Variants in ADCY2 observed in about 807,000 individuals in gnomAD.
ADCY2 encodes the protein adenylate cyclase type 2.
Under a neutral mutation model 125.2 loss-of-function variants are expected in ADCY2, and 31 were observed. That is an observed-to-expected ratio of 0.25 (90% CI 0.19 to 0.33). The LOEUF is 0.33. Ranked by LOEUF, ADCY2 falls within the 10% of genes least tolerant of loss-of-function variation. The pLI, the probability that ADCY2 is intolerant of heterozygous loss-of-function variation, is 1.00. For synonymous variants in ADCY2, 512 were observed against 548.4 expected (o/e 0.93, Z 0.93); for missense variants, 904 against 1,418.2 (o/e 0.64, Z 5.82).
intron 2 of ADCY2, among the ~76,000 whole-genome samples, chr5:7,455,163 A>G (rs556332602): frequency 7.9e-5 from 12 of 152,292 alleles, no homozygotes; most frequent in African/African-American, 2.6e-4. Flanking sequence ...TGTGTGTTGT[A>G]TATTGTAATG....
In ADCY2 at chr5:7,484,824, C is replaced by T. The variant is rs983257609; in HGVS notation, c.409-35914C>T. On this transcript the variant is annotated intron_variant, in intron 2 of 24. Coordinates refer to ENST00000338316, the MANE Select transcript of ADCY2 (RefSeq NM_020546.3). ...CTGCTAGATGTTTTCCTTCAGTACACTTACATTTTACTTCTTACATGTTAA... is the reference window on the plus strand; with the variant it reads ...CTGCTAGATGTTTTCCTTCAGTACATTTACATTTTACTTCTTACATGTTAA... 4.6e-5 allele frequency among the ~76,000 whole-genome samples: 7 copies of T among 152,332 alleles called. No homozygotes were observed. The East Asian group carries it at 1.3e-3, about 29-fold the overall frequency.
At chr5:7,715,643 G>A (rs1056760515) in intron 11 of ADCY2, among the ~76,000 whole-genome samples, 8 of 151,812 alleles carry the variant, frequency 5.3e-5, no homozygotes, top group Non-Finnish European at 1.2e-4. Context: ...AATTCATTTG[G>A]CTCAATATCT....
rs938384873 is a variant in ADCY2 at position 7,709,573 on chromosome 5, A to G, written c.1578+186A>G. ...GAGTGAGCTCCATGCTGACATTGCT[A>G]AGGGTTCCACCCTAGCGTGATTTTG... is the stretch of plus-strand genomic sequence containing the variant. On this transcript the variant is annotated intron_variant, in intron 10 of 24. Transcript: ENST00000338316. This position sits in a 1 kb window ranked among gnomAD's most constrained non-coding sequence, Gnocchi z 4.4. Among the ~76,000 whole-genome samples the G allele has an allele frequency of 6.6e-6, 1 of 152,220 alleles. No homozygotes were observed. The highest frequency in any genetic ancestry group is 1.5e-5 in the Non-Finnish European group (1 of 68,036).
chr5:7,419,837 C>A (rs1054243645), intron 2 of ADCY2, among the ~76,000 whole-genome samples: 6 of 152,222 alleles, frequency 3.9e-5, no homozygotes, highest in African/African-American at 1.4e-4. Flanking sequence ...CTAGCACGTG[C>A]ATGGTCTGGA....
At position 7,724,014 on chromosome 5, in the gene ADCY2, A is replaced by AT. The variant is rs1217802918; in HGVS notation, c.1704-527dup. 1.4e-5 allele frequency among the ~76,000 whole-genome samples: 2 copies of AT among 145,276 alleles called. 1 individual carries two copies. Among genetic ancestry groups the AT allele is most frequent in the Admixed American group, 1.4e-4 (2 of 13,896 alleles). ...AAATGAAAAAAATGACAATGAAAGT[A>AT]TTTTCACTAAGTCTGAAAGAAGCAA... On this transcript the variant is annotated intron_variant, in intron 12 of 24. Coordinates refer to ENST00000338316, the MANE Select transcript of ADCY2 (RefSeq NM_020546.3).
chr5:7,645,309 G>A (rs923021821), intron 4 of ADCY2, among the ~76,000 whole-genome samples: 1 of 152,132 alleles, frequency 6.6e-6, no homozygotes, highest in African/African-American at 2.4e-5. Context: ...AGGCCTAAGT[G>A]GTGTGTTCCT....
intron 2 of ADCY2, among the ~76,000 whole-genome samples, chr5:7,438,120 T>C (rs1365712243): frequency 6.6e-6 from 1 of 152,216 alleles, no homozygotes; most frequent in African/African-American, 2.4e-5. Flanking sequence ...TACATTGTTG[T>C]AAATGTCAAC....
At chr5:7,803,520 T>C (rs1744665824) in intron 21 of ADCY2, among the ~76,000 whole-genome samples, 1 of 152,184 alleles carries the variant, frequency 6.6e-6, no homozygotes. Flanking sequence ...TATCCCTACC[T>C]TTCCTCCATC....
At chr5:7,790,744 G>C (rs1321618585) in intron 20 of ADCY2, among the ~76,000 whole-genome samples, 1 of 152,192 alleles carries the variant, frequency 6.6e-6, no homozygotes, top group East Asian at 1.9e-4. Flanking sequence ...TTCCCAAAGA[G>C]AGTTTTGAAG....
intron 4 of ADCY2, among the ~76,000 whole-genome samples, chr5:7,636,497 G>A (rs1188731160): frequency 1.3e-5 from 2 of 152,186 alleles, no homozygotes; most frequent in African/African-American, 4.8e-5. Flanking sequence ...ACAGGGAGGT[G>A]GTTACCAGAA....
intron 2 of ADCY2, among the ~76,000 whole-genome samples, chr5:7,484,459 C>CAG (rs1231879350): frequency 6.6e-6 from 1 of 152,178 alleles, no homozygotes; most frequent in African/African-American, 2.4e-5. Context: ...AGCACTGCTG[C>CAG]AGAGAGACCC....
At chr5:7,816,099 A>T (rs926523183) in intron 22 of ADCY2, among the ~76,000 whole-genome samples, 4 of 151,974 alleles carry the variant, frequency 2.6e-5, no homozygotes, top group African/African-American at 9.7e-5. Flanking sequence ...TATCTTAATC[A>T]CCCCTTTAAA....
intron 4 of ADCY2, among the ~76,000 whole-genome samples, chr5:7,645,333 A>G (rs907561480): frequency 6.6e-6 from 1 of 152,204 alleles, no homozygotes; most frequent in Non-Finnish European, 1.5e-5. Flanking sequence ...TTCACTGGAA[A>G]GTTTCAAAAA....
chr5:7,703,635 G>C (rs891446659), intron 7 of ADCY2, among the ~76,000 whole-genome samples: 1 of 152,170 alleles, frequency 6.6e-6, no homozygotes, highest in African/African-American at 2.4e-5. Context: ...TAGCCTTGTA[G>C]TATAGTTTGA....
At chr5:7,704,697 C>G (rs979037277) in intron 7 of ADCY2, among the ~76,000 whole-genome samples, 3 of 151,984 alleles carry the variant, frequency 2.0e-5, no homozygotes, top group Non-Finnish European at 4.4e-5. Context: ...AGCTGACACG[C>G]TGAAACCCCG....
At chr5:7,689,264 C>T (rs531485064) in intron 4 of ADCY2, among the ~76,000 whole-genome samples, 3 of 152,284 alleles carry the variant, frequency 2.0e-5, no homozygotes, top group Non-Finnish European at 2.9e-5. Flanking sequence ...AGCTTAATGC[C>T]TGACTCTTGG....
chr5:7,679,902 A>G (rs959670538), intron 4 of ADCY2, among the ~76,000 whole-genome samples: 4 of 152,142 alleles, frequency 2.6e-5, no homozygotes, highest in Admixed American at 2.6e-4. Context: ...GAGATATGTC[A>G]CTGCATCCCT....
chr5:7,464,195 C>T (rs1313324165), intron 2 of ADCY2, among the ~76,000 whole-genome samples: 1 of 152,078 alleles, frequency 6.6e-6, no homozygotes, highest in Non-Finnish European at 1.5e-5. Context: ...GAAGCTGGGT[C>T]AGATCAGGCA....
chr5:7,651,622 G>C (rs1739093694), intron 4 of ADCY2, among the ~76,000 whole-genome samples: 1 of 151,998 alleles, frequency 6.6e-6, no homozygotes, highest in African/African-American at 2.4e-5. Context: ...CAGATGGAGG[G>C]TGGGTCTGCC....
Sources: allele counts gnomAD v4.1 joint callset (sites outside exome capture counted in the v4.1 genomes callset), GRCh38; gene constraint gnomAD v4.1.1; non-coding constraint Gnocchi (gnomAD v3.1); transcripts MANE v1.5; gene names NCBI Gene and HGNC (gene_info 2026-07-23, HGNC 2026-07-21).